SPRY3: variants seen among roughly 807,000 people sequenced by gnomAD.
The protein encoded by SPRY3 is protein sprouty homolog 3.
A neutral mutation model predicts 20.2 loss-of-function variants in SPRY3; 15 were observed. That is an observed-to-expected ratio of 0.74 (90% CI 0.50 to 1.14). The LOEUF is 1.14. Among genes scored for constraint, SPRY3 ranks in the 50% most tolerant of loss-of-function variants. The pLI is 0.00. For missense variants in SPRY3, 364 were observed against 363.9 expected, an observed-to-expected ratio of 1.00 and a Z score of 0.00; for synonymous variants, 143 against 136.5, an observed-to-expected ratio of 1.05 and a Z score of -0.33.
chrX:155,650,739 T>C (rs1226955404), intron 1 of SPRY3, among the ~76,000 whole-genome samples: 2 of 111,518 alleles, frequency 1.8e-5, no homozygotes, highest in African/African-American at 3.3e-5. Flanking sequence ...CTGCAGCAGT[T>C]TGGGGATCTG....
In SPRY3 at chrX:155,750,093, C is replaced by G. The variant is rs1387093897; in HGVS notation, c.-281-17869C>G. On this transcript the variant is annotated intron_variant, in intron 2 of 3. Transcript: ENST00000675360. ...TACATATACACCATAGAATACTACA[C>G]AGTCATAAAAAAGAGTGAAATCATG... Among the ~76,000 whole-genome samples the G allele has an allele frequency of 5.3e-5, 8 of 151,786 alleles. 1 individual carries two copies. In the East Asian group the frequency reaches 1.5e-3, roughly 29 times the overall value.
chrX:155,686,180 C>A (rs2068087269), intron 2 of SPRY3, among the ~76,000 whole-genome samples: 1 of 110,524 alleles, frequency 9.0e-6, no homozygotes, highest in Admixed American at 9.7e-5. Context: ...ATATTTGTTT[C>A]AAAAGTGTTC....
chrX:155,759,579 A>G (rs992800116), intron 2 of SPRY3, among the ~76,000 whole-genome samples: 8 of 152,100 alleles, frequency 5.3e-5, no homozygotes, highest in African/African-American at 1.9e-4. Flanking sequence ...TTATTATTGT[A>G]TCTTAATTTA....
intron 1 of SPRY3, among the ~76,000 whole-genome samples, chrX:155,642,955 A>G (rs1388729956): frequency 9.0e-6 from 1 of 111,636 alleles, no homozygotes; most frequent in African/African-American, 3.3e-5. Context: ...TTCTGCAGCT[A>G]TTGGATGAAA....
intron 1 of SPRY3, among the ~76,000 whole-genome samples, chrX:155,616,100 GTCTCTC>G (rs781921618): frequency 3.3e-4 from 14 of 42,880 alleles, no homozygotes; most frequent in African/African-American, 7.1e-4. Context: ...TTTATCTGGG[GTCTCTC>G]TCTCTCTCTC....
At chrX:155,615,170 G>A (rs2067847253) in intron 1 of SPRY3, among the ~76,000 whole-genome samples, 1 of 112,510 alleles carries the variant, frequency 8.9e-6, no homozygotes, top group African/African-American at 3.2e-5. Flanking sequence ...AAATGAATGC[G>A]TGTAGGTATG....
At chrX:155,773,407 C>T (rs947783266) in intron 3 of SPRY3, among the ~76,000 whole-genome samples, 9 of 146,650 alleles carry the variant, frequency 6.1e-5, no homozygotes, top group African/African-American at 2.3e-4. Flanking sequence ...CAGAAAATAG[C>T]CTTTGCAGTT....
chrX:155,687,776 ATATCT>A (rs1733695945), intron 2 of SPRY3, among the ~76,000 whole-genome samples: 1 of 112,208 alleles, frequency 8.9e-6, no homozygotes, highest in Non-Finnish European at 1.9e-5. Flanking sequence ...TAACATGCTC[ATATCT>A]TAACCACATA....
intron 2 of SPRY3, among the ~76,000 whole-genome samples, chrX:155,665,787 GT>G (rs1191827407): frequency 2.4e-4 from 27 of 111,400 alleles, no homozygotes; most frequent in African/African-American, 8.1e-4. Flanking sequence ...TGGAGGTAGG[GT>G]TTATCTCTAT....
chrX:155,779,774 T>C (rs1226407519), downstream of SPRY3: 1 of 167,028 alleles, frequency 6.0e-6, no homozygotes, highest in Non-Finnish European at 1.5e-5. Flanking sequence ...CCACTAATTA[T>C]GACACAGACA....
At chrX:155,758,063 A>G (rs9650962) in intron 2 of SPRY3, among the ~76,000 whole-genome samples, 14,589 of 152,156 alleles carry the variant, frequency 0.096, 1,067 homozygotes, top group African/African-American at 0.2. Flanking sequence ...TGGCTAGCCC[A>G]TCATTATTTA....
At chrX:155,779,925 A>G (rs1434899321), downstream of SPRY3, 2 of 166,952 alleles carry the variant, frequency 1.2e-5, no homozygotes, top group African/African-American at 4.8e-5. Context: ...TAGGACTGAA[A>G]TTCTTGGTCC....
chrX:155,626,180 A>G (rs1263586669), intron 1 of SPRY3, among the ~76,000 whole-genome samples: 1 of 111,643 alleles, frequency 9.0e-6, no homozygotes, highest in Non-Finnish European at 1.9e-5. Context: ...GAGGTCTCCA[A>G]TTTATCCACA....
chrX:155,704,300 C>A (rs1180979277), intron 2 of SPRY3, among the ~76,000 whole-genome samples: 3 of 151,590 alleles, frequency 2.0e-5, no homozygotes, highest in Non-Finnish European at 4.4e-5. Flanking sequence ...GTAATTTCTG[C>A]AGAGAGATCA....
At chrX:155,660,765 T>C (rs1219794130) in intron 2 of SPRY3, among the ~76,000 whole-genome samples, 2 of 110,206 alleles carry the variant, frequency 1.8e-5, no homozygotes, top group East Asian at 5.6e-4. Flanking sequence ...CTTTATCATA[T>C]ATATACTGAC....
intron 2 of SPRY3, among the ~76,000 whole-genome samples, chrX:155,723,270 T>G (rs1162220673): frequency 3.3e-5 from 5 of 152,184 alleles, no homozygotes; most frequent in Admixed American, 3.3e-4. Context: ...TATAGCAGTA[T>G]GATTTATAAT....
chrX:155,729,582 A>G (rs1252384954), intron 2 of SPRY3, among the ~76,000 whole-genome samples: 1 of 152,108 alleles, frequency 6.6e-6, no homozygotes. Context: ...AGTGAAGTTT[A>G]TAGCTGTAAG....
intron 2 of SPRY3, among the ~76,000 whole-genome samples, chrX:155,727,280 C>A (rs1266930042): frequency 2.6e-5 from 4 of 152,034 alleles, no homozygotes; most frequent in Non-Finnish European, 5.9e-5. Flanking sequence ...AATTATGTGT[C>A]TTGGGGTTGC....
intron 2 of SPRY3, among the ~76,000 whole-genome samples, chrX:155,728,864 A>G (rs2091116203): frequency 1.3e-5 from 2 of 152,184 alleles, no homozygotes; most frequent in South Asian, 4.1e-4. Context: ...TTAAAAATAA[A>G]GGAATGGAAA....
Sources: allele counts gnomAD v4.1 joint callset (sites outside exome capture counted in the v4.1 genomes callset), GRCh38; gene constraint gnomAD v4.1.1; transcripts MANE v1.5; gene names NCBI Gene and HGNC (gene_info 2026-07-23, HGNC 2026-07-21).